The following MTCL2 variants were observed in gnomAD, a reference collection of about 807,000 sequenced individuals.
MTCL2 encodes the protein microtubule cross-linking factor 2.
At chr20:36,845,456 T>C in the MTCL2 span, among the ~76,000 whole-genome samples, 1 of 152,262 alleles carries the variant, frequency 6.6e-6, no homozygotes, top group African/African-American at 2.4e-5. Flanking sequence ...GTTCCATCTC[T>C]CCAGGGGGGC....
the MTCL2 span, among the ~76,000 whole-genome samples, chr20:36,820,016 A>T: frequency 6.6e-6 from 1 of 152,214 alleles, no homozygotes; most frequent in Admixed American, 6.5e-5. Flanking sequence ...ACACAGAAGC[A>T]GACCCCCGTA....
the MTCL2 span, among the ~76,000 whole-genome samples, chr20:36,809,022 C>T: frequency 3.9e-5 from 6 of 152,206 alleles, no homozygotes; most frequent in Non-Finnish European, 5.9e-5. Context: ...ATGTCTCACA[C>T]GAATGCTCAT....
chr20:36,800,470 A>C, the MTCL2 span, among the ~76,000 whole-genome samples: 1 of 152,164 alleles, frequency 6.6e-6, no homozygotes, highest in African/African-American at 2.4e-5. Flanking sequence ...TGTGAACCTC[A>C]AAGGAGCTCT....
At chr20:36,861,566 A>T in the MTCL2 span, among the ~76,000 whole-genome samples, 1 of 49,370 alleles carries the variant, frequency 2.0e-5, no homozygotes, top group Non-Finnish European at 5.3e-5. Flanking sequence ...CTAAGTGCTG[A>T]GGGCAGACAT....
chr20:36,824,447 C>T, the MTCL2 span, among the ~76,000 whole-genome samples: 3 of 151,914 alleles, frequency 2.0e-5, no homozygotes, highest in East Asian at 5.8e-4. Context: ...ATGAAGCATC[C>T]AGAACAGGCA....
the MTCL2 span, chr20:36,862,886 C>A: frequency 8.1e-7 from 1 of 1,241,668 alleles, no homozygotes; most frequent in Non-Finnish European, 1.0e-6. Flanking sequence ...CCGTACGGAC[C>A]CCCGCCGGGC....
chr20:36,857,039 GCT>G, the MTCL2 span, among the ~76,000 whole-genome samples: 2 of 152,240 alleles, frequency 1.3e-5, no homozygotes, highest in South Asian at 2.1e-4. Flanking sequence ...AGTCTCTGCT[GCT>G]CTCTTTGTAG....
At chr20:36,848,195 C>T in the MTCL2 span, among the ~76,000 whole-genome samples, 1 of 152,218 alleles carries the variant, frequency 6.6e-6, no homozygotes, top group African/African-American at 2.4e-5. Context: ...CAGAACTGGT[C>T]GCAGATCCCT....
At chr20:36,859,786 G>C in the MTCL2 span, 1 of 1,231,684 alleles carries the variant, frequency 8.1e-7, no homozygotes, top group Non-Finnish European at 1.0e-6. Context: ...CTCCTGCAGG[G>C]GACATACTGG....
At chr20:36,778,784 C>G in the MTCL2 span, 1 of 152,298 alleles carries the variant, frequency 6.6e-6, no homozygotes, top group Non-Finnish European at 1.5e-5. Flanking sequence ...CATCCTGGTG[C>G]TCATCACAGG....
At chr20:36,808,796 C>G in the MTCL2 span, 3 of 1,486,984 alleles carry the variant, frequency 2.0e-6, no homozygotes, top group Non-Finnish European at 2.7e-6. Context: ...TCTCCCCCAC[C>G]CCTTTCTGGG....
chr20:36,831,656 C>A, the MTCL2 span, among the ~76,000 whole-genome samples: 1 of 152,154 alleles, frequency 6.6e-6, no homozygotes, highest in East Asian at 1.9e-4. Context: ...TGTTTCTGCC[C>A]GAGGATCTCG....
chr20:36,837,339 C>T, the MTCL2 span, among the ~76,000 whole-genome samples: 3 of 152,088 alleles, frequency 2.0e-5, no homozygotes, highest in South Asian at 4.1e-4. Flanking sequence ...AACCTCCCAC[C>T]CACCCTTCCC....
chr20:36,802,445 G>T, the MTCL2 span, among the ~76,000 whole-genome samples: 2 of 152,240 alleles, frequency 1.3e-5, no homozygotes, highest in South Asian at 4.2e-4. Flanking sequence ...TTTGATTGGA[G>T]GCCTCCCAAT....
the MTCL2 span, among the ~76,000 whole-genome samples, chr20:36,847,203 C>T: frequency 1.3e-5 from 2 of 152,166 alleles, no homozygotes; most frequent in Admixed American, 1.3e-4. Context: ...AAGGGACCTG[C>T]GGGGCTGGAT....
At chr20:36,852,583 C>A in the MTCL2 span, among the ~76,000 whole-genome samples, 2 of 152,220 alleles carry the variant, frequency 1.3e-5, no homozygotes, top group Non-Finnish European at 2.9e-5. Context: ...AAGACTCAAT[C>A]CCTTCATACC....
the MTCL2 span, chr20:36,810,116 C>A: frequency 6.3e-7 from 1 of 1,588,572 alleles, no homozygotes; most frequent in African/African-American, 1.3e-5. Context: ...ATCTGTGGTA[C>A]AGACAGGGGA....
At chr20:36,813,168 C>T in the MTCL2 span, among the ~76,000 whole-genome samples, 1 of 152,066 alleles carries the variant, frequency 6.6e-6, no homozygotes, top group Non-Finnish European at 1.5e-5. Context: ...ATCCCTCTTT[C>T]AAGAAGAACC....
chr20:36,793,428 T>C, the MTCL2 span: 1 of 1,551,300 alleles, frequency 6.4e-7, no homozygotes, highest in Non-Finnish European at 8.7e-7. The surrounding 1 kb of genome is among the most constrained non-coding windows in gnomAD (Gnocchi z 6.8). Context: ...TCTGGCTTCT[T>C]GGTGCCCTCC....
Sources: gnomAD v4.1 joint callset for allele counts (sites outside exome capture counted in the v4.1 genomes callset) on GRCh38, gnomAD v4.1.1 for gene constraint, Gnocchi (gnomAD v3.1) non-coding constraint, MANE v1.5 for transcripts, NCBI Gene and HGNC (gene_info 2026-07-23, HGNC 2026-07-21) for gene names.